Variants in HPSE2 observed in about 807,000 individuals in gnomAD.
HPSE2 encodes inactive heparanase-2.
Under a neutral mutation model 60.5 loss-of-function variants are expected in HPSE2, and 38 were observed. The ratio of observed to expected loss-of-function variants is 0.63; its 90% confidence interval spans 0.48 to 0.82. The LOEUF is 0.82. Among genes scored for constraint, HPSE2 ranks in the 40% least tolerant of loss-of-function variants. The pLI is 0.00. For synonymous variants in HPSE2, 295 were observed against 293.2 expected (o/e 1.01, Z -0.06); for missense variants, 713 against 740.4 (o/e 0.96, Z 0.43).
chr10:98,878,376 T>C (rs1358440893), intron 3 of HPSE2, among the ~76,000 whole-genome samples: 5 of 152,104 alleles, frequency 3.3e-5, no homozygotes, highest in East Asian at 3.9e-4. Flanking sequence ...TGAGCATCTG[T>C]GCATTGATTG....
chr10:98,986,419 A>T (rs1956352057), intron 3 of HPSE2, among the ~76,000 whole-genome samples: 1 of 151,484 alleles, frequency 6.6e-6, no homozygotes, highest in African/African-American at 2.4e-5. Context: ...ATGAAGGCAG[A>T]AATAAAGATG....
chr10:98,568,914 T>TC lies in HPSE2; in HGVS notation c.1320+45989_1320+45990insG, dbSNP rs1564975776. Reference sequence around the variant, plus strand: ...GACTACTGCTAACGGGTTTGGGGTTTTTTTGGTGTGATGAAATGTCCTAAA... The same window carrying TC: ...GACTACTGCTAACGGGTTTGGGGTTTCTTTTGGTGTGATGAAATGTCCTAAA... On this transcript the variant is annotated intron_variant, in intron 9 of 11. Coordinates refer to ENST00000370552, the MANE Select transcript of HPSE2 (RefSeq NM_021828.5). 2.2e-3 allele frequency among the ~76,000 whole-genome samples: 12 copies of TC among 5,524 alleles called. No homozygotes were observed. In the Admixed American group the frequency reaches 0.043, roughly 20 times the overall value. 3.6% of individuals were successfully genotyped at this position (5,524 alleles called of 152,430 possible). A position where few individuals can be genotyped will look rare whatever the true frequency, so the allele number is the denominator to read the frequency against.
chr10:98,977,654 G>C (rs977794802), intron 3 of HPSE2, among the ~76,000 whole-genome samples: 5 of 151,908 alleles, frequency 3.3e-5, no homozygotes, highest in Admixed American at 1.3e-4. Context: ...TAAATAACAG[G>C]GGTGATATAA....
intron 9 of HPSE2, among the ~76,000 whole-genome samples, chr10:98,501,937 C>G (rs909259684): frequency 2.6e-5 from 4 of 151,964 alleles, no homozygotes; most frequent in African/African-American, 9.7e-5. Flanking sequence ...AGAACTCAAC[C>G]CCTTTTACAA....
At chr10:98,920,669 A>G (rs1470725009) in intron 3 of HPSE2, among the ~76,000 whole-genome samples, 1 of 152,180 alleles carries the variant, frequency 6.6e-6, no homozygotes, top group African/African-American at 2.4e-5. Context: ...AACTTCCAGA[A>G]CATCTTTTAC....
intron 7 of HPSE2, among the ~76,000 whole-genome samples, chr10:98,622,729 G>A (rs1289212703): frequency 1.3e-5 from 2 of 152,132 alleles, no homozygotes; most frequent in Non-Finnish European, 2.9e-5. Flanking sequence ...AATTAACGGT[G>A]GTGGTCAATA....
At chr10:98,462,523 G>A (rs995544166) in intron 11 of HPSE2, among the ~76,000 whole-genome samples, 1 of 152,138 alleles carries the variant, frequency 6.6e-6, no homozygotes, top group Non-Finnish European at 1.5e-5. Flanking sequence ...AGATGCACTT[G>A]TTGGTCCTTA....
rs1945085956 is a variant in HPSE2 at position 98,591,401 on chromosome 10, G to A, written c.1320+23503C>T. On this transcript the variant is annotated intron_variant, in intron 9 of 11. Coordinates refer to ENST00000370552, the MANE Select transcript of HPSE2 (RefSeq NM_021828.5). ...ATATTGGCCAGGCATGGTGGCTCAT[G>A]TCTGTAATCCCAGCACTTTGGGAGG... Among the ~76,000 whole-genome samples, 3 of 152,202 alleles carry A rather than the reference G, an allele frequency of 2.0e-5. No homozygotes were observed. The South Asian group carries it at 6.2e-4, about 32-fold the overall frequency.
chr10:98,948,486 T>C (rs1262114851), intron 3 of HPSE2, among the ~76,000 whole-genome samples: 1 of 152,114 alleles, frequency 6.6e-6, no homozygotes, highest in Non-Finnish European at 1.5e-5. Flanking sequence ...CATTAGACAA[T>C]CTGGCAGAAG....
chr10:98,841,173 G>A (rs550978594), intron 3 of HPSE2, among the ~76,000 whole-genome samples: 3 of 152,230 alleles, frequency 2.0e-5, no homozygotes, highest in East Asian at 1.9e-4. Context: ...CATGAGAATC[G>A]CTTGAACCCT....
intron 3 of HPSE2, among the ~76,000 whole-genome samples, chr10:98,758,696 T>A (rs1418238542): frequency 6.6e-6 from 1 of 152,084 alleles, no homozygotes; most frequent in Non-Finnish European, 1.5e-5. Flanking sequence ...CAGATGCTGG[T>A]GAGCTTGCGG....
At chr10:99,217,819 C>T (rs1411976348) in intron 2 of HPSE2, among the ~76,000 whole-genome samples, 1 of 152,114 alleles carries the variant, frequency 6.6e-6, no homozygotes, top group Non-Finnish European at 1.5e-5. Flanking sequence ...CACCTGGCCT[C>T]AAACAATCCT....
intron 3 of HPSE2, among the ~76,000 whole-genome samples, chr10:98,883,072 T>G (rs894955725): frequency 6.6e-6 from 1 of 152,120 alleles, no homozygotes. Flanking sequence ...AAGCCATATG[T>G]TGACCATCTT....
the HPSE2 span, among the ~76,000 whole-genome samples, chr10:99,255,251 G>T: frequency 6.6e-6 from 1 of 152,116 alleles, no homozygotes; most frequent in Non-Finnish European, 1.5e-5. Context: ...TTTTAAATTT[G>T]TGTATGAAAA....
chr10:99,075,119 AG>A (rs1842915714), intron 3 of HPSE2, among the ~76,000 whole-genome samples: 1 of 152,012 alleles, frequency 6.6e-6, no homozygotes, highest in Non-Finnish European at 1.5e-5. Context: ...TGAGGTATAA[AG>A]TTAGGTTACT....
chr10:98,770,759 T>A (rs2134418838), intron 3 of HPSE2, among the ~76,000 whole-genome samples: 1 of 152,188 alleles, frequency 6.6e-6, no homozygotes, highest in South Asian at 2.1e-4. Context: ...CGTATCTTAG[T>A]GTCTGCTTCT....
At chr10:99,291,663 G>A in the HPSE2 span, among the ~76,000 whole-genome samples, 5,180 of 151,306 alleles carry the variant, frequency 0.034, 115 homozygotes, top group East Asian at 0.088. Flanking sequence ...ATCCTATCTC[G>A]TTTTTTCTTT....
chr10:98,483,260 G>A (rs1210620765), intron 10 of HPSE2, among the ~76,000 whole-genome samples: 1 of 152,016 alleles, frequency 6.6e-6, no homozygotes, highest in African/African-American at 2.4e-5. Flanking sequence ...TACATAACTG[G>A]AATCACATTA....
chr10:99,111,200 G>A (rs890491048), intron 3 of HPSE2, among the ~76,000 whole-genome samples: 2 of 151,996 alleles, frequency 1.3e-5, no homozygotes, highest in Non-Finnish European at 2.9e-5. Flanking sequence ...AATACCACGT[G>A]GTCTTGATTA....
Sources: gnomAD v4.1 joint callset for allele counts (sites outside exome capture counted in the v4.1 genomes callset) on GRCh38, gnomAD v4.1.1 for gene constraint, MANE v1.5 for transcripts, NCBI Gene and HGNC (gene_info 2026-07-23, HGNC 2026-07-21) for gene names.